SLC13A2: variants seen among roughly 807,000 people sequenced by gnomAD.
SLC13A2 encodes the protein Na(+)-coupled citrate transporter.
SLC13A2 carries 40 observed loss-of-function variants against 58.5 expected under a neutral mutation model. The ratio of observed to expected loss-of-function variants is 0.68; its 90% CI spans 0.53 to 0.89. The LOEUF (loss-of-function observed/expected upper bound fraction) is 0.89, where lower values mean the gene tolerates loss of function less well. Ranked by LOEUF, SLC13A2 falls within the 40% of genes least tolerant of loss-of-function variation. The pLI, the probability that SLC13A2 is intolerant of heterozygous loss-of-function variation, is 0.00. For missense variants in SLC13A2, 694 were observed against 772.6 expected (o/e 0.90, Z 1.21); for synonymous variants, 341 against 331.6 (o/e 1.03, Z -0.31).
Position 28,494,052 on chromosome 17 carries a change from G to T in SLC13A2, c.1133G>T (p.Gly378Val). The change falls in exon 8 of 12, where the codon GGC becomes GTC. Residue 378 changes from glycine (G) to valine (V), a missense_variant. By Grantham distance (109) the Gly-to-Val change is moderately radical. Coordinates refer to ENST00000314669, the MANE Select transcript of SLC13A2 (RefSeq NM_003984.4). The surrounding 1 kb of genome is among the most constrained non-coding windows in gnomAD (Gnocchi z 4.0). ...VSDGTVAIFI[G>V]IIMFIIPSKF... The stretch of plus-strand genomic sequence containing the variant: ...GATGGGACAGTGGCCATCTTCATCG[G>T]CATAATTATGTTCATCATACCCTCC... 1 of 1,614,120 alleles carries T rather than the reference G, an allele frequency of 6.2e-7. No homozygotes were observed. The highest frequency in any genetic ancestry group is 1.3e-5 in the African/African-American group (1 of 75,004).
At chr17:28,491,384 T>C in intron 4 of SLC13A2, 53 bp from the exon 5 acceptor site, 1 of 1,594,756 alleles carries the variant, frequency 6.3e-7, no homozygotes. Context: ...CTGGCCCCGT[T>C]CCCCAGAGCT....
chr17:28,497,697 G>A lies in SLC13A2; in HGVS notation c.*428G>A, dbSNP rs1363497416. ...GTATTTATTGAAATTCAGGCTTGGA[G>A]TGGCCTGGGAGGAGGGCCTGCCAGC... On this transcript the variant is annotated 3_prime_UTR_variant, in exon 12 of 12. Transcript: ENST00000314669. 1.2e-5 allele frequency: 2 copies of A among 163,578 alleles called. No homozygotes were observed. The highest frequency in any genetic ancestry group is 4.8e-5 in the African/African-American group (2 of 41,934). The allele number at this position is 163,578 out of a possible 1,614,324, so 10.1% of individuals were successfully genotyped here.
In SLC13A2 at chr17:28,491,526, A is replaced by G; in HGVS notation, c.664A>G (p.Ser222Gly). Residue 222 changes from serine to glycine, a missense_variant, in exon 5 of 12, where the codon AGC becomes GGC. By Grantham distance (56) the Ser-to-Gly change is moderately conservative. Transcript: ENST00000314669. ...GCATCTCCACCTCACCCAGTGCATG[A>G]GCCTGTGCGTGTGCTACTCCGCCAG... ...QKHLHLTQCM[S>G]LCVCYSASIG... 1 of 1,613,784 alleles carries G rather than the reference A, an allele frequency of 6.2e-7. No homozygotes were observed. The highest frequency in any genetic ancestry group is 8.5e-7 in the Non-Finnish European group (1 of 1,180,042).
In SLC13A2 at chr17:28,475,244, T is replaced by C. The variant is rs548311131; in HGVS notation, c.102+1430T>C. Among the ~76,000 whole-genome samples, 17 of 152,310 alleles carry C rather than the reference T, an allele frequency of 1.1e-4. No individual in the cohort carries two copies. In the South Asian group the frequency reaches 2.3e-3, roughly 20 times the overall value. Reference sequence around the variant, plus strand: ...AATCCTGAGTCAGTGCTAGAAGCCATGCCTGTTGGTGAGACTGGGATGTGT... The same window carrying C: ...AATCCTGAGTCAGTGCTAGAAGCCACGCCTGTTGGTGAGACTGGGATGTGT... On this transcript the variant is annotated intron_variant, in intron 1 of 11. Transcript: ENST00000314669.
intron 1 of SLC13A2, among the ~76,000 whole-genome samples, chr17:28,478,257 ACCTCTCAGGCCAT>A: frequency 6.6e-6 from 1 of 152,124 alleles, no homozygotes; most frequent in South Asian, 2.1e-4. Flanking sequence ...GCTGTGACCC[ACCTCTCAGGCCAT>A]CCTTTCTCAT....
intron 1 of SLC13A2, among the ~76,000 whole-genome samples, chr17:28,482,994 G>A (rs1261847723): frequency 6.6e-6 from 1 of 152,232 alleles, no homozygotes; most frequent in East Asian, 1.9e-4. Flanking sequence ...CCACTTGCTA[G>A]GGGCAGAGGG....
chr17:28,487,381 G>A, intron 1 of SLC13A2: 3 of 252,792 alleles, frequency 1.2e-5, no homozygotes, highest in Non-Finnish European at 1.9e-5. Context: ...AGGCATTTTT[G>A]AAATGTATTT....
chr17:28,479,564 G>A (rs1184543526), intron 1 of SLC13A2, among the ~76,000 whole-genome samples: 1 of 152,194 alleles, frequency 6.6e-6, no homozygotes, highest in Non-Finnish European at 1.5e-5. Flanking sequence ...GGACCCAAAG[G>A]CATCTGTAAA....
At chr17:28,478,525 G>T (rs1055743269) in intron 1 of SLC13A2, among the ~76,000 whole-genome samples, 2 of 152,238 alleles carry the variant, frequency 1.3e-5, no homozygotes, top group Non-Finnish European at 2.9e-5. Context: ...CAACATTTGA[G>T]TTGGGCCTTG....
At chr17:28,479,057 T>TA (rs34923898) in intron 1 of SLC13A2, among the ~76,000 whole-genome samples, 2 of 151,602 alleles carry the variant, frequency 1.3e-5, no homozygotes, top group Admixed American at 6.6e-5. Flanking sequence ...GTCTCCTCAC[T>TA]AAAAAAATTA....
In SLC13A2 at chr17:28,496,400, C is replaced by T. The variant is rs782816340; in HGVS notation, c.1471-50C>T. ...GGAGAATTGGGGGCCATGCCCCTCCCTCTGGCTTGGGGACCAAGTTCAGCT... is the reference window on the plus strand; with the variant it reads ...GGAGAATTGGGGGCCATGCCCCTCCTTCTGGCTTGGGGACCAAGTTCAGCT... On this transcript the variant is annotated intron_variant, in intron 10 of 11. Transcript: ENST00000314669. The surrounding 1 kb of genome is among the most constrained non-coding windows in gnomAD (Gnocchi z 4.2). 2 of 1,549,758 alleles carry T rather than the reference C, an allele frequency of 1.3e-6. No individual in the cohort carries two copies. Among genetic ancestry groups the T allele is most frequent in the East Asian group, 2.3e-5 (1 of 43,030 alleles).
In SLC13A2 at chr17:28,488,233, T is replaced by C. The variant is rs142173890; in HGVS notation, c.103-981T>C. Among the ~76,000 whole-genome samples, 31 of 152,288 alleles carry C rather than the reference T, an allele frequency of 2.0e-4. 2 individuals are homozygous for C. In the East Asian group the frequency reaches 4.6e-3, roughly 23 times the overall value. On this transcript the variant is annotated intron_variant, in intron 1 of 11. Coordinates refer to ENST00000314669, the MANE Select transcript of SLC13A2 (RefSeq NM_003984.4). ...GCTTTAGGGTACTAAGAGTGTGAGC[T>C]TAGCCTGTACGAGGTGGAGAGGACA...
At chr17:28,493,955 C>G in intron 7 of SLC13A2, 62 bp from the exon 8 acceptor site, 1 of 1,535,466 alleles carries the variant, frequency 6.5e-7, no homozygotes, top group South Asian at 1.1e-5. Context: ...ACCCTCCACC[C>G]TGTGGCCCTG....
rs1555604822 is a variant in SLC13A2, at chr17:28,497,256, C to A, written c.1766C>A (p.Thr589Lys). 1 of 1,613,848 alleles carries A rather than the reference C, an allele frequency of 6.2e-7. No homozygotes were observed. Among genetic ancestry groups the A allele is most frequent in the South Asian group, 1.1e-5 (1 of 91,054 alleles). The change falls in exon 12 of 12, where the codon ACA becomes AAA. Residue 589 changes from threonine to lysine, a missense_variant. Thr to Lys is a moderately conservative substitution (Grantham distance 78, BLOSUM62 -1). Transcript: ENST00000314669. ...CTGCCAAGCCTGGCCAACACCACCA[C>A]ACCAAGCCCCTAGGCTGGGGCACAG... ...QCLPSLANTT[T>K]PSP
chr17:28,497,089 C>T lies in SLC13A2; in HGVS notation c.1609-10C>T, dbSNP rs2069159129. 1.9e-6 allele frequency: 3 copies of T among 1,613,066 alleles called. No homozygotes were observed. The highest frequency in any genetic ancestry group is 2.5e-6 in the Non-Finnish European group (3 of 1,179,398). On this transcript the variant is annotated splice_polypyrimidine_tract_variant and intron_variant, in intron 11 of 11. Coordinates refer to ENST00000314669, the MANE Select transcript of SLC13A2 (RefSeq NM_003984.4). ...TCCCTGCTTAGCCAAATGGACTCTC[C>T]TCACACCAGGCCCGGGCAGGATTCC...
At position 28,490,351 on chromosome 17, in the gene SLC13A2, A is replaced by T. The variant is rs1173226313; in HGVS notation, c.232-103A>T. ...CATCCAGTTTCGAGAGCCCAGGGGAATGCCAGTCTGTGGGAATGTCAGTGA... is the reference window on the plus strand; with the variant it reads ...CATCCAGTTTCGAGAGCCCAGGGGATTGCCAGTCTGTGGGAATGTCAGTGA... On this transcript the variant is annotated intron_variant, in intron 2 of 11. Transcript: ENST00000314669. 2.5e-6 allele frequency: 4 copies of T among 1,613,338 alleles called. No homozygotes were observed. In the African/African-American group the frequency reaches 5.3e-5, roughly 22 times the overall value.
In SLC13A2 at chr17:28,490,460, G is replaced by C. The variant is rs111227982; in HGVS notation, c.238G>C (p.Val80Leu). 750 of 1,614,022 alleles carry C rather than the reference G, an allele frequency of 4.6e-4. 12 individuals carry two copies. In the African/African-American group the frequency reaches 8.5e-3, roughly 18 times the overall value. The change falls in exon 3 of 12, where the codon GTC becomes CTC. Residue 80 changes from valine to leucine, a missense_variant. Physicochemically the swap from Val to Leu is conservative, Grantham distance 32 (BLOSUM62 1). Coordinates refer to ENST00000314669, the MANE Select transcript of SLC13A2 (RefSeq NM_003984.4). Reference protein sequence around the residue: ...MGIVDASEVAVEYLKDSNLLF... With the variant: ...MGIVDASEVALEYLKDSNLLF... Reference sequence around the variant, plus strand: ...CCATGTCTCCACCTGCCAGGTTGCCGTCGAGTATCTTAAGGACTCCAACCT... The same window carrying C: ...CCATGTCTCCACCTGCCAGGTTGCCCTCGAGTATCTTAAGGACTCCAACCT...
rs2069167166 is a variant in SLC13A2, at chr17:28,497,343, C to G, written c.*74C>G. The G allele has an allele frequency of 6.9e-7, 1 of 1,441,688 alleles. No individual in the cohort carries two copies. The highest frequency in any genetic ancestry group is 1.8e-5 in the African/African-American group (1 of 56,372). 89.3% of individuals were successfully genotyped at this position (1,441,688 alleles called of 1,614,324 possible). A position where few individuals can be genotyped will look rare whatever the true frequency, so the allele number is the denominator to read the frequency against. On this transcript the variant is annotated 3_prime_UTR_variant, in exon 12 of 12. Transcript: ENST00000314669. ...TCCTCTGAGCCCGGAGGGGACACCCCAAGCTCCAAGCTCCAAGCTCCAGGC... is the reference window on the plus strand; with the variant it reads ...TCCTCTGAGCCCGGAGGGGACACCCGAAGCTCCAAGCTCCAAGCTCCAGGC...
In SLC13A2 at chr17:28,491,869, G is replaced by A. The variant is rs368817537; in HGVS notation, c.878+17G>A. 26 of 1,613,210 alleles carry A rather than the reference G, an allele frequency of 1.6e-5. No homozygotes were observed. Among genetic ancestry groups the A allele is most frequent in the African/African-American group, 1.6e-4 (12 of 74,882 alleles). On this transcript the variant is annotated intron_variant, in intron 6 of 11. Coordinates refer to ENST00000314669, the MANE Select transcript of SLC13A2 (RefSeq NM_003984.4). ...GGGCTTCAAGTAAGTGGCAAAGTTG[G>A]TGAGAGAAGCCCAGGTCCCTGCCCT...
Sources: gnomAD v4.1 joint callset for allele counts (sites outside exome capture counted in the v4.1 genomes callset) on GRCh38, gnomAD v4.1.1 for gene constraint, Gnocchi (gnomAD v3.1) non-coding constraint, MANE v1.5 for transcripts, NCBI Gene and HGNC (gene_info 2026-07-23, HGNC 2026-07-21) for gene names.